Variants in CDIN1 observed in about 807,000 individuals in gnomAD.
The protein encoded by CDIN1 is CDAN1-interacting nuclease 1.
In CDIN1, 33 loss-of-function variants were observed where a neutral mutation model predicts 45.3. The ratio of observed to expected loss-of-function variants is 0.73; its 90% CI spans 0.55 to 0.97. The LOEUF (loss-of-function observed/expected upper bound fraction) is 0.97. CDIN1 is among the 50% of genes least tolerant of loss of function. CDIN1 has a pLI of 0.00. For missense variants in CDIN1, 303 were observed against 339.4 expected (o/e 0.89, Z 0.84); for synonymous variants, 118 against 124.4 (o/e 0.95, Z 0.34).
chr15:36,663,518 TAGTG>T (rs929121512), intron 5 of CDIN1, among the ~76,000 whole-genome samples: 1 of 152,134 alleles, frequency 6.6e-6, no homozygotes, highest in Non-Finnish European at 1.5e-5. Context: ...GTTCTTGTAA[TAGTG>T]AGTGAGTTCT....
intron 10 of CDIN1, among the ~76,000 whole-genome samples, chr15:36,793,710 TC>T (rs2054708750): frequency 6.6e-6 from 1 of 152,160 alleles, no homozygotes; most frequent in Non-Finnish European, 1.5e-5. Flanking sequence ...GGTATTTATT[TC>T]CTGCAATTGT....
intron 1 of CDIN1, among the ~76,000 whole-genome samples, chr15:36,628,390 C>T (rs998578864): frequency 2.0e-5 from 3 of 152,082 alleles, no homozygotes; most frequent in African/African-American, 7.2e-5. Context: ...TGTATTGTTG[C>T]AGAGTAGTAT....
rs1164013724 is a variant in CDIN1, at chr15:36,809,807, C to G, written c.*1354C>G. ...CATTTATACTTTGTTTATTTTCTAC[C>G]AAAGAAGGTTTGTAAAAATATGCCT... On this transcript the variant is annotated 3_prime_UTR_variant, in exon 11 of 11. Transcript: ENST00000566621. 3 of 151,888 alleles carry G rather than the reference C, an allele frequency of 2.0e-5. No homozygotes were observed. Among genetic ancestry groups the G allele is most frequent in the Non-Finnish European group, 4.4e-5 (3 of 67,982 alleles). 9.4% of individuals were successfully genotyped at this position (151,888 alleles called of 1,614,324 possible). A position where few individuals can be genotyped will look rare whatever the true frequency, so the allele number is the denominator to read the frequency against.
At chr15:36,715,903 G>C (rs972844598) in intron 10 of CDIN1, among the ~76,000 whole-genome samples, 2 of 152,088 alleles carry the variant, frequency 1.3e-5, no homozygotes, top group Non-Finnish European at 2.9e-5. Flanking sequence ...TAATGGATAA[G>C]TATCATTTTT....
chr15:36,777,178 A>G (rs2054240830), intron 10 of CDIN1, among the ~76,000 whole-genome samples: 1 of 152,308 alleles, frequency 6.6e-6, no homozygotes, highest in South Asian at 2.1e-4. Context: ...TCCATCAGCA[A>G]TATTTACTGA....
At chr15:36,691,664 T>C (rs1031587123) in intron 5 of CDIN1, 21 bp from the exon 6 acceptor site, 7 of 1,501,496 alleles carry the variant, frequency 4.7e-6, no homozygotes, top group Non-Finnish European at 6.4e-6. Flanking sequence ...CTGCTAACAG[T>C]TCATCTCTTT....
chr15:36,608,170 A>G (rs748581926), intron 1 of CDIN1, among the ~76,000 whole-genome samples: 3 of 152,120 alleles, frequency 2.0e-5, no homozygotes, highest in Non-Finnish European at 2.9e-5. Context: ...GTGTTGGCCT[A>G]TGTTTTTGTT....
chr15:36,807,889 A>T (rs564152899), intron 10 of CDIN1, among the ~76,000 whole-genome samples: 3 of 152,286 alleles, frequency 2.0e-5, no homozygotes, highest in South Asian at 2.1e-4. Flanking sequence ...GTTTTCAAAC[A>T]TTCTTTTATT....
chr15:36,591,860 A>T (rs1595713703), intron 1 of CDIN1: 1 of 152,228 alleles, frequency 6.6e-6, no homozygotes, highest in Non-Finnish European at 1.5e-5. Flanking sequence ...TCATGCTTTT[A>T]AATTAGAGAA....
intron 10 of CDIN1, among the ~76,000 whole-genome samples, chr15:36,722,422 C>G (rs972449419): frequency 1.3e-5 from 2 of 151,786 alleles, no homozygotes; most frequent in Non-Finnish European, 2.9e-5. Flanking sequence ...TTATGCCCAG[C>G]AAAAGGGCAG....
At chr15:36,719,114 C>T (rs1490336487) in intron 10 of CDIN1, among the ~76,000 whole-genome samples, 1 of 151,716 alleles carries the variant, frequency 6.6e-6, no homozygotes, top group Non-Finnish European at 1.5e-5. Context: ...CCTAGCTACT[C>T]AGAAATCTGA....
chr15:36,594,506 C>T (rs533032681), intron 1 of CDIN1, among the ~76,000 whole-genome samples: 1 of 152,038 alleles, frequency 6.6e-6, no homozygotes, highest in South Asian at 2.1e-4. Flanking sequence ...CATGTGATAG[C>T]TTTTTGGACG....
rs1294090864 is a variant in CDIN1 at position 36,776,930 on chromosome 15, T to A, written c.717-31394T>A. Among the ~76,000 whole-genome samples the A allele has an allele frequency of 2.6e-5, 4 of 152,202 alleles. No homozygotes were observed. The East Asian group carries it at 7.7e-4, about 29-fold the overall frequency. ...ATTTGGAAATAATTTTTAAATTTCC[T>A]ATTATATCATAAACTTTGAATTTCA... On this transcript the variant is annotated intron_variant, in intron 10 of 10. Coordinates refer to ENST00000566621, the MANE Select transcript of CDIN1 (RefSeq NM_001321759.2).
At chr15:36,722,829 C>T (rs906740113) in intron 10 of CDIN1, among the ~76,000 whole-genome samples, 4 of 152,106 alleles carry the variant, frequency 2.6e-5, no homozygotes, top group East Asian at 1.9e-4. Context: ...TTCATGGATA[C>T]GTAATGGCAA....
In CDIN1 at chr15:36,691,699, A is replaced by G; in HGVS notation, c.361A>G (p.Ile121Val). The change falls in exon 6 of 11, where the codon ATA becomes GTA. Residue 121 changes from isoleucine (I) to valine (V), a missense_variant. By Grantham distance (29) the Ile-to-Val change is conservative (BLOSUM62 3). Coordinates refer to ENST00000566621, the MANE Select transcript of CDIN1 (RefSeq NM_001321759.2). ...TTCTTCTACAGCCTCCAAGTCTATT[A>G]TAAATAGTATGCTACGGGACCCTTC... The part of the protein sequence containing the change: ...HEETPPSKSI[I>V]NSMLRDPSQI... 2 of 1,598,990 alleles carry G rather than the reference A, an allele frequency of 1.3e-6. No homozygotes were observed. Among genetic ancestry groups the G allele is most frequent in the South Asian group, 2.3e-5 (2 of 88,404 alleles).
In CDIN1 at chr15:36,703,369, AT is replaced by A. The variant is rs1444471429; in HGVS notation, c.545-5853del. Among the ~76,000 whole-genome samples, 24 of 30,528 alleles carry A rather than the reference AT, an allele frequency of 7.9e-4. 1 individual carries two copies. The highest frequency in any genetic ancestry group is 3.1e-3 in the African/African-American group (14 of 4,492). 20.0% of individuals were successfully genotyped at this position (30,528 alleles called of 152,430 possible). A position where few individuals can be genotyped will look rare whatever the true frequency, so the allele number is the denominator to read the frequency against. ...ATATATACATATATCAGATAGATCT[AT>A]CATATATATATATATCAGATATATA... On this transcript the variant is annotated intron_variant, in intron 8 of 10. Coordinates refer to ENST00000566621, the MANE Select transcript of CDIN1 (RefSeq NM_001321759.2).
At position 36,731,898 on chromosome 15, in the gene CDIN1, T is replaced by G. The variant is rs571522486; in HGVS notation, c.716+21937T>G. ...AAGGAAGATATTTATAAACTTGGGA[T>G]TTCTAAACATTTATTGGCTTATTTG... On this transcript the variant is annotated intron_variant, in intron 10 of 10. Coordinates refer to ENST00000566621, the MANE Select transcript of CDIN1 (RefSeq NM_001321759.2). Among the ~76,000 whole-genome samples, 6 of 152,330 alleles carry G rather than the reference T, an allele frequency of 3.9e-5. No homozygotes were observed. The East Asian group carries it at 1.2e-3, about 29-fold the overall frequency.
intron 3 of CDIN1, among the ~76,000 whole-genome samples, chr15:36,648,364 A>G (rs986001505): frequency 2.0e-5 from 3 of 151,426 alleles, no homozygotes; most frequent in Non-Finnish European, 4.4e-5. Flanking sequence ...TTATTTCATC[A>G]TATGAAAGTA....
Position 36,709,938 on chromosome 15 carries a change from C to T in CDIN1, c.693C>T (p.Asp231=), listed in dbSNP as rs747066268. Reference sequence around the variant, plus strand: ...GTAGCCACCACGCCTACCTGCATGACCAGTTCTGGAGCTACTGGAATAGGT... The same window carrying T: ...GTAGCCACCACGCCTACCTGCATGATCAGTTCTGGAGCTACTGGAATAGGT... The part of the protein sequence containing the change: ...DECSHHAYLH[D]QFWSYWNRFG... The change falls in exon 10 of 11, where the codon GAC becomes GAT. Residue 231 remains aspartate (D), a synonymous_variant. Transcript: ENST00000566621. 6.2e-7 allele frequency: 1 copy of T among 1,612,712 alleles called. No individual in the cohort carries two copies. Among genetic ancestry groups the T allele is most frequent in the East Asian group, 2.2e-5 (1 of 44,862 alleles).
Sources: allele counts gnomAD v4.1 joint callset (sites outside exome capture counted in the v4.1 genomes callset), GRCh38; gene constraint gnomAD v4.1.1; transcripts MANE v1.5; gene names NCBI Gene and HGNC (gene_info 2026-07-23, HGNC 2026-07-21).